ANKS1B: variants seen among roughly 807,000 people sequenced by gnomAD.
The protein encoded by ANKS1B is ankyrin repeat and sterile alpha motif domain-containing protein 1B.
A neutral mutation model predicts 148.3 loss-of-function variants in ANKS1B; 36 were observed. The observed-to-expected ratio is 0.24, with a 90% CI of 0.19 to 0.32. The LOEUF (loss-of-function observed/expected upper bound fraction) is 0.32. Among genes scored for constraint, ANKS1B ranks in the 10% least tolerant of loss-of-function variants. The pLI, the probability that ANKS1B is intolerant of heterozygous loss-of-function variation, is 1.00. For missense variants in ANKS1B, 1,157 were observed against 1,542.6 expected (o/e 0.75, Z 4.19); for synonymous variants, 542 against 560.8 (o/e 0.97, Z 0.47).
intron 20 of ANKS1B, among the ~76,000 whole-genome samples, chr12:98,804,576 T>A (rs2099035146): frequency 6.6e-6 from 1 of 152,204 alleles, no homozygotes; most frequent in Non-Finnish European, 1.5e-5. Context: ...ACCTTGGCCC[T>A]TGGCTGGGAT....
At chr12:98,983,962 G>C (rs2099921845) in intron 17 of ANKS1B, among the ~76,000 whole-genome samples, 1 of 152,218 alleles carries the variant, frequency 6.6e-6, no homozygotes. Context: ...GCAGATGTAA[G>C]AGTCTCTTTT....
At chr12:98,843,884 T>C (rs1595275743) in intron 17 of ANKS1B, among the ~76,000 whole-genome samples, 1 of 152,182 alleles carries the variant, frequency 6.6e-6, no homozygotes, top group African/African-American at 2.4e-5. Context: ...TTTCCTTCAA[T>C]ACCACATGTA....
chr12:98,807,514 G>A (rs1594307197), intron 20 of ANKS1B, among the ~76,000 whole-genome samples: 3 of 150,658 alleles, frequency 2.0e-5, no homozygotes, highest in South Asian at 2.1e-4. Context: ...ATACATGTGT[G>A]TATATATATA....
intron 12 of ANKS1B, among the ~76,000 whole-genome samples, chr12:99,247,799 C>A (rs1265641188): frequency 1.3e-5 from 2 of 151,960 alleles, no homozygotes; most frequent in Non-Finnish European, 2.9e-5. Flanking sequence ...TTTCAGTGTT[C>A]ATTTTAATTC....
Position 99,655,110 on chromosome 12 carries a change from G to T in ANKS1B, c.1229C>A (p.Pro410Gln). 1 of 1,610,402 alleles carries T rather than the reference G, an allele frequency of 6.2e-7. No homozygotes were observed. Among genetic ancestry groups the T allele is most frequent in the East Asian group, 2.2e-5 (1 of 44,768 alleles). Residue 410 changes from proline to glutamine, a missense_variant, in exon 9 of 27, where the codon CCG becomes CAG. Transcript: ENST00000683438. ...GCCAAGGTTCCTACATCCATTACAC[G>T]GAGTTAATGCTTCCCAAAGTCCTGA... Reference protein sequence around the residue: ...GPSGLWEALTPCNGCRNLGFP... With the variant: ...GPSGLWEALTQCNGCRNLGFP...
intron 14 of ANKS1B, chr12:99,154,828 A>G: frequency 6.6e-7 from 1 of 1,520,040 alleles, no homozygotes. Context: ...ATGCAGCTCC[A>G]TGCTCCTTGC....
intron 10 of ANKS1B, among the ~76,000 whole-genome samples, chr12:99,474,985 C>T (rs576622519): frequency 1.3e-5 from 2 of 151,742 alleles, no homozygotes; most frequent in African/African-American, 4.8e-5. Flanking sequence ...GCCTGTAATC[C>T]AAGCACACTG....
At chr12:99,804,576 T>C (rs2067352348) in intron 4 of ANKS1B, among the ~76,000 whole-genome samples, 1 of 152,096 alleles carries the variant, frequency 6.6e-6, no homozygotes. Context: ...ACTCTGGAAA[T>C]ACAGGATTCA....
intron 9 of ANKS1B, among the ~76,000 whole-genome samples, chr12:99,535,758 G>A (rs1252005299): frequency 2.5e-4 from 38 of 152,030 alleles, no homozygotes; most frequent in Admixed American, 2.5e-3. Flanking sequence ...GGTAGAATAA[G>A]AATCTCCAGA....
At chr12:98,781,402 C>T in intron 23 of ANKS1B, 199 bp from the exon 24 acceptor site, 1 of 653,960 alleles carries the variant, frequency 1.5e-6, no homozygotes, top group Non-Finnish European at 2.8e-6. Flanking sequence ...TTGGGCTTAG[C>T]TATACTTCGG....
intron 9 of ANKS1B, among the ~76,000 whole-genome samples, chr12:99,542,202 C>A (rs1160789120): frequency 6.6e-6 from 1 of 152,034 alleles, no homozygotes; most frequent in Admixed American, 6.6e-5. Context: ...AAATAATGGA[C>A]AAGTTCAGCA....
At chr12:98,770,877 G>A (rs1004858742) in intron 25 of ANKS1B, among the ~76,000 whole-genome samples, 9 of 152,062 alleles carry the variant, frequency 5.9e-5, no homozygotes, top group Admixed American at 3.9e-4. Flanking sequence ...ATATGAATAC[G>A]TGATTCCTGA....
intron 8 of ANKS1B, among the ~76,000 whole-genome samples, chr12:99,673,089 T>G (rs1016716617): frequency 6.6e-6 from 1 of 151,978 alleles, no homozygotes; most frequent in South Asian, 2.1e-4. Flanking sequence ...TCAAGAACAC[T>G]GATCTATTCT....
intron 15 of ANKS1B, among the ~76,000 whole-genome samples, chr12:99,123,484 G>A (rs781264977): frequency 6.6e-6 from 1 of 151,866 alleles, no homozygotes; most frequent in African/African-American, 2.4e-5. Context: ...ATGAAGGGGA[G>A]TTTATTAAGG....
chr12:99,458,865 T>C (rs974198076), intron 10 of ANKS1B, among the ~76,000 whole-genome samples: 1 of 151,942 alleles, frequency 6.6e-6, no homozygotes, highest in Non-Finnish European at 1.5e-5. Context: ...TGTTGATATC[T>C]ATTCCAAAAG....
chr12:99,668,719 A>ATT (rs35069354), intron 8 of ANKS1B, among the ~76,000 whole-genome samples: 6 of 149,660 alleles, frequency 4.0e-5, no homozygotes, highest in African/African-American at 7.3e-5. Flanking sequence ...TGTTTTTGTT[A>ATT]TTTTTTTTTG....
chr12:99,055,058 A>G (rs2099968682), intron 16 of ANKS1B, among the ~76,000 whole-genome samples: 1 of 152,220 alleles, frequency 6.6e-6, no homozygotes, highest in Non-Finnish European at 1.5e-5. Flanking sequence ...AGTCAGTGGC[A>G]TTCACAAATC....
intron 14 of ANKS1B, among the ~76,000 whole-genome samples, chr12:99,179,474 G>GA (rs1489859400): frequency 6.7e-6 from 1 of 148,620 alleles, no homozygotes; most frequent in Non-Finnish European, 1.5e-5. Context: ...CTATTTTAAG[G>GA]AATAAACTGA....
At chr12:99,399,939 A>T in intron 11 of ANKS1B, 128 bp from the exon 12 acceptor site, 1 of 806,714 alleles carries the variant, frequency 1.2e-6, no homozygotes, top group Non-Finnish European at 2.0e-6. Context: ...TACTTAAAAT[A>T]TAATTGTGCT....
Sources: gnomAD v4.1 joint callset for allele counts (sites outside exome capture counted in the v4.1 genomes callset) on GRCh38, gnomAD v4.1.1 for gene constraint, MANE v1.5 for transcripts, NCBI Gene and HGNC (gene_info 2026-07-23, HGNC 2026-07-21) for gene names.